SHTN1: variants seen among roughly 807,000 people sequenced by gnomAD.
SHTN1 encodes the protein shootin-1.
SHTN1 carries 42 observed loss-of-function variants against 83.1 expected under a neutral mutation model. The ratio of observed to expected loss-of-function variants is 0.51; its 90% CI spans 0.39 to 0.65. The LOEUF is 0.65. Ranked by LOEUF, SHTN1 falls within the 30% of genes least tolerant of loss-of-function variation. SHTN1 has a pLI of 0.00. For missense variants in SHTN1, 622 were observed against 737.8 expected, an observed-to-expected ratio of 0.84 and a Z score of 1.82; for synonymous variants, 224 against 247.7, an observed-to-expected ratio of 0.90 and a Z score of 0.90.
chr10:116,997,712 GT>G (rs1851673578), intron 1 of SHTN1, among the ~76,000 whole-genome samples: 1 of 152,088 alleles, frequency 6.6e-6, no homozygotes, highest in Non-Finnish European at 1.5e-5. Context: ...TGTTTGTCAG[GT>G]TTCTCCACTG....
intron 13 of SHTN1, among the ~76,000 whole-genome samples, chr10:116,914,067 G>A (rs1408821326): frequency 2.6e-5 from 4 of 152,224 alleles, no homozygotes; most frequent in African/African-American, 9.7e-5. Flanking sequence ...ATTTACTCTT[G>A]GAGTTGAGTA....
intron 13 of SHTN1, among the ~76,000 whole-genome samples, chr10:116,914,680 A>G (rs928935600): frequency 6.6e-6 from 1 of 151,952 alleles, no homozygotes; most frequent in Non-Finnish European, 1.5e-5. Context: ...GAGAGAGAGT[A>G]TTTTTCAAGA....
chr10:116,969,182 T>C (rs1850509671), intron 2 of SHTN1, among the ~76,000 whole-genome samples: 1 of 151,854 alleles, frequency 6.6e-6, no homozygotes, highest in African/African-American at 2.4e-5. Context: ...ATCCCAGCAC[T>C]CTGGGAGGCC....
chr10:116,937,683 T>C (rs1849225722), intron 9 of SHTN1, among the ~76,000 whole-genome samples: 1 of 152,062 alleles, frequency 6.6e-6, no homozygotes, highest in South Asian at 2.1e-4. Context: ...GTGTTTTCTG[T>C]GTTTTCTGAA....
intron 1 of SHTN1, among the ~76,000 whole-genome samples, chr10:117,059,684 G>A (rs1425155816): frequency 6.6e-6 from 1 of 152,174 alleles, no homozygotes; most frequent in Non-Finnish European, 1.5e-5. Context: ...TATAGAAGTG[G>A]AGAACAGATA....
chr10:117,074,437 T>G (rs1853125890), intron 1 of SHTN1, among the ~76,000 whole-genome samples: 1 of 152,216 alleles, frequency 6.6e-6, no homozygotes, highest in Admixed American at 6.5e-5. Context: ...CTATACTTCA[T>G]GAGACTTCTG....
Position 116,883,919 on chromosome 10 carries a change from G to GAA in SHTN1, c.*2423_*2424dup. 2 of 193,302 alleles carry GAA rather than the reference G, an allele frequency of 1.0e-5. No individual in the cohort carries two copies. The highest frequency in any genetic ancestry group is 6.9e-5 in the South Asian group (1 of 14,398). The allele number at this position is 193,302 out of a possible 1,614,324, so 12.0% of individuals were successfully genotyped here. A position where few individuals can be genotyped will look rare whatever the true frequency, so the allele number is the denominator to read the frequency against. The stretch of plus-strand genomic sequence containing the variant: ...CTTTAATTAAAATCTTATTCTTCCA[G>GAA]AAAAAAAAAGAGACATTTTCTTTTT... On this transcript the variant is annotated 3_prime_UTR_variant, in exon 17 of 17. Transcript: ENST00000355371.
intron 3 of SHTN1, among the ~76,000 whole-genome samples, chr10:116,960,812 CTA>C (rs1386181896): frequency 6.6e-6 from 1 of 152,104 alleles, no homozygotes; most frequent in Non-Finnish European, 1.5e-5. Flanking sequence ...GATTTATGTA[CTA>C]TATGGTTATA....
chr10:117,003,061 T>A (rs958363051), intron 1 of SHTN1, among the ~76,000 whole-genome samples: 1 of 152,158 alleles, frequency 6.6e-6, no homozygotes, highest in African/African-American at 2.4e-5. Context: ...ATCTACATTG[T>A]TAATCGACCC....
At chr10:117,035,297 A>G (rs927415409) in intron 2 of SHTN1, among the ~76,000 whole-genome samples, 10 of 152,250 alleles carry the variant, frequency 6.6e-5, no homozygotes, top group Non-Finnish European at 1.3e-4. Flanking sequence ...GAAGAATGAA[A>G]CTAGACCCTT....
At chr10:116,892,442 C>T (rs1290705049) in intron 16 of SHTN1, among the ~76,000 whole-genome samples, 1 of 152,150 alleles carries the variant, frequency 6.6e-6, no homozygotes, top group Non-Finnish European at 1.5e-5. Flanking sequence ...AACATTAAGT[C>T]ATCATGGAAA....
intron 15 of SHTN1, among the ~76,000 whole-genome samples, chr10:116,902,888 A>C (rs1276889720): frequency 1.3e-5 from 2 of 152,234 alleles, no homozygotes; most frequent in Non-Finnish European, 2.9e-5. Flanking sequence ...AATGGAAAGC[A>C]CTAGTGGGTA....
chr10:116,950,912 A>G (rs1471876468), intron 6 of SHTN1, among the ~76,000 whole-genome samples: 1 of 152,138 alleles, frequency 6.6e-6, no homozygotes, highest in East Asian at 1.9e-4. Context: ...AACTGAGGTA[A>G]CTGGATGAGG....
At chr10:116,972,769 G>C (rs774111951) in intron 2 of SHTN1, among the ~76,000 whole-genome samples, 5 of 152,222 alleles carry the variant, frequency 3.3e-5, no homozygotes, top group Non-Finnish European at 7.3e-5. Context: ...GTAGCTCAAG[G>C]CTGAGGTAGA....
In SHTN1 at chr10:117,018,579, T is replaced by TG. The variant is rs1247920084; in HGVS notation, c.-123+29865_-123+29866insC. Among the ~76,000 whole-genome samples the TG allele has an allele frequency of 8.7e-5, 12 of 138,334 alleles. 1 individual carries two copies. The highest frequency in any genetic ancestry group is 4.2e-4 in the East Asian group (2 of 4,770). 90.8% of individuals were successfully genotyped at this position (138,334 alleles called of 152,430 possible). A position where few individuals can be genotyped will look rare whatever the true frequency, so the allele number is the denominator to read the frequency against. On this transcript the variant is annotated intron_variant, in intron 2 of 17. Transcript: ENST00000392901. ...TGTCTGCTCTCACCATTTTTTTTTT[T>TG]TTTTTTTTTTGAGATGGAGTCTTGC...
chr10:116,911,810 C>T lies in SHTN1; in HGVS notation c.1339G>A (p.Asp447Asn). 6.2e-7 allele frequency: 1 copy of T among 1,612,718 alleles called. No homozygotes were observed. Among genetic ancestry groups the T allele is most frequent in the Non-Finnish European group, 8.5e-7 (1 of 1,178,808 alleles). ...ESSKGCESAV[D>N]ELKGILGTLN... The stretch of plus-strand genomic sequence containing the variant: ...CTTACCAGTATTCCTTTTAGTTCAT[C>T]CACTGCACTTTCGCAGCCTTTCGAA... The change falls in exon 14 of 17, where the codon GAT becomes AAT. Residue 447 changes from aspartate to asparagine, a missense_variant. Coordinates refer to ENST00000355371, the MANE Select transcript of SHTN1 (RefSeq NM_001127211.3).
intron 2 of SHTN1, among the ~76,000 whole-genome samples, chr10:117,023,444 A>G (rs1852290068): frequency 6.6e-6 from 1 of 152,236 alleles, no homozygotes; most frequent in South Asian, 2.1e-4. Flanking sequence ...AAATTCTCTG[A>G]ATGTGCAATA....
At chr10:117,076,968 C>T (rs1325813033) in intron 1 of SHTN1, among the ~76,000 whole-genome samples, 1 of 152,062 alleles carries the variant, frequency 6.6e-6, no homozygotes, top group Admixed American at 6.6e-5. Flanking sequence ...GACTTTATTG[C>T]TTTATTTTAG....
Position 117,002,629 on chromosome 10 carries a change from T to C in SHTN1, c.58+2393A>G, listed in dbSNP as rs1851863345. Reference sequence around the variant, plus strand: ...AATGCTCAAAGACCCAGTTACCTGTTCTTCCAAATCCCTAGCTTCCCAATT... The same window carrying C: ...AATGCTCAAAGACCCAGTTACCTGTCCTTCCAAATCCCTAGCTTCCCAATT... On this transcript the variant is annotated intron_variant, in intron 1 of 16. Coordinates refer to ENST00000355371, the MANE Select transcript of SHTN1 (RefSeq NM_001127211.3). 2.0e-5 allele frequency among the ~76,000 whole-genome samples: 3 copies of C among 152,212 alleles called. No individual in the cohort carries two copies. In the South Asian group the frequency reaches 6.2e-4, roughly 32 times the overall value.
Sources: allele counts gnomAD v4.1 joint callset (sites outside exome capture counted in the v4.1 genomes callset), GRCh38; gene constraint gnomAD v4.1.1; transcripts MANE v1.5; gene names NCBI Gene and HGNC (gene_info 2026-07-23, HGNC 2026-07-21).